Variants in SLC5A1 observed in about 807,000 individuals in gnomAD.
The protein encoded by SLC5A1 is sodium/glucose cotransporter 1.
SLC5A1 carries 42 observed loss-of-function variants against 73.5 expected under a neutral mutation model. The ratio of observed to expected loss-of-function variants is 0.57; its 90% CI spans 0.45 to 0.74. SLC5A1 has a LOEUF of 0.74. Among genes scored for constraint, SLC5A1 ranks in the 30% least tolerant of loss-of-function variants. The pLI, the probability that SLC5A1 is intolerant of heterozygous loss-of-function variation, is 0.00. For missense variants in SLC5A1, 634 were observed against 855.4 expected, an observed-to-expected ratio of 0.74 and a Z score of 3.23; for synonymous variants, 300 against 317.4, an observed-to-expected ratio of 0.95 and a Z score of 0.58.
At chr22:32,098,718 A>G (rs1019489840) in intron 11 of SLC5A1, among the ~76,000 whole-genome samples, 7 of 152,014 alleles carry the variant, frequency 4.6e-5, no homozygotes, top group Admixed American at 2.6e-4. Context: ...TGCTGTGGTT[A>G]TATTTGCTGC....
chr22:32,112,110 C>G lies in SLC5A1; in HGVS notation c.*1897C>G. ...CATCTGAAAACAGAGACATAAATGC[C>G]TGGCTCACAGATTTAAATGTTATAC... On this transcript the variant is annotated 3_prime_UTR_variant, in exon 15 of 15. Transcript: ENST00000266088. The G allele has an allele frequency of 6.6e-6, 1 of 152,136 alleles. No homozygotes were observed. Among genetic ancestry groups the G allele is most frequent in the East Asian group, 1.9e-4 (1 of 5,196 alleles). 9.4% of individuals were successfully genotyped at this position (152,136 alleles called of 1,614,324 possible). A position where few individuals can be genotyped will look rare whatever the true frequency, so the allele number is the denominator to read the frequency against.
intron 10 of SLC5A1, among the ~76,000 whole-genome samples, chr22:32,089,975 T>A (rs1289533282): frequency 6.6e-6 from 1 of 152,096 alleles, no homozygotes; most frequent in Non-Finnish European, 1.5e-5. Flanking sequence ...GTATTCCTAT[T>A]TGGGAAGGTG....
chr22:32,047,110 G>T (rs1273349642), intron 1 of SLC5A1, among the ~76,000 whole-genome samples: 1 of 152,178 alleles, frequency 6.6e-6, no homozygotes, highest in Non-Finnish European at 1.5e-5. Context: ...GAAGTGAGGA[G>T]GCTGTAGGGA....
At chr22:32,102,573 C>T (rs750664221) in intron 13 of SLC5A1, among the ~76,000 whole-genome samples, 11 of 152,090 alleles carry the variant, frequency 7.2e-5, no homozygotes, top group Non-Finnish European at 1.2e-4. Context: ...TTTGGGACCA[C>T]CCTGACAACA....
intron 1 of SLC5A1, among the ~76,000 whole-genome samples, chr22:32,049,162 AATCTATATCTAT>A (rs35964250): frequency 0.11 from 13,707 of 128,756 alleles, 1,458 homozygotes; most frequent in African/African-American, 0.28. Flanking sequence ...TATTATATAT[AATCTATATCTAT>A]ATCTATATCT....
In SLC5A1 at chr22:32,105,421, G is replaced by A. The variant is rs184226540; in HGVS notation, c.1771+530G>A. Among the ~76,000 whole-genome samples, 75 of 151,760 alleles carry A rather than the reference G, an allele frequency of 4.9e-4. 1 individual carries two copies. The highest frequency in any genetic ancestry group is 3.4e-3 in the Middle Eastern group (1 of 294). On this transcript the variant is annotated intron_variant, in intron 14 of 14. Transcript: ENST00000266088. ...CGATTCTCCTGCCTCAGCCTCCTGA[G>A]TAGCTGGGAATACAGGCATGCACCA... is the stretch of plus-strand genomic sequence containing the variant.
intron 1 of SLC5A1, 116 bp from the exon 2 acceptor site, chr22:32,049,827 G>A: frequency 1.2e-6 from 1 of 834,362 alleles, no homozygotes; most frequent in Non-Finnish European, 2.1e-6. Context: ...GAATGTGAAA[G>A]TGTTTCAGAA....
chr22:32,111,929 T>C lies in SLC5A1; in HGVS notation c.*1716T>C, dbSNP rs1478294196. Reference sequence around the variant, plus strand: ...ATTCCCAGAAGTTTTGGAAGAGCCTTGGTAGAAAAGCAGAAGCTGCTTTGA... The same window carrying C: ...ATTCCCAGAAGTTTTGGAAGAGCCTCGGTAGAAAAGCAGAAGCTGCTTTGA... On this transcript the variant is annotated 3_prime_UTR_variant, in exon 15 of 15. Transcript: ENST00000266088. 6.6e-6 allele frequency: 1 copy of C among 152,190 alleles called. No homozygotes were observed. The highest frequency in any genetic ancestry group is 1.5e-5 in the Non-Finnish European group (1 of 68,040). The allele number at this position is 152,190 out of a possible 1,614,324, so 9.4% of individuals were successfully genotyped here.
intron 5 of SLC5A1, among the ~76,000 whole-genome samples, chr22:32,073,092 T>C (rs1358458732): frequency 6.6e-6 from 1 of 152,226 alleles, no homozygotes; most frequent in Non-Finnish European, 1.5e-5. Context: ...TTTGGTGTCA[T>C]TTCTAAGAAT....
In SLC5A1 at chr22:32,091,770, C is replaced by T; in HGVS notation, c.1280+8C>T. 6.2e-7 allele frequency: 1 copy of T among 1,613,436 alleles called. No individual in the cohort carries two copies. Among genetic ancestry groups the T allele is most frequent in the African/African-American group, 1.3e-5 (1 of 75,004 alleles). On this transcript the variant is annotated splice_region_variant and intron_variant, in intron 11 of 14. Transcript: ENST00000266088. ...GCTCATGATTGCCGGAAGGTAAATG[C>T]AGCTTCCCCCAAGCCACAAAAGCTT...
At chr22:32,083,194 G>T (rs202060687) in intron 7 of SLC5A1, 40 bp downstream of exon 7, 6 of 1,551,238 alleles carry the variant, frequency 3.9e-6, no homozygotes, top group Non-Finnish European at 5.3e-6. Flanking sequence ...TGGGAGCAGA[G>T]GTAGAGGGCC....
intron 1 of SLC5A1, among the ~76,000 whole-genome samples, chr22:32,048,150 TAAAA>T (rs35309167): frequency 3.1e-5 from 3 of 96,494 alleles, no homozygotes; most frequent in Non-Finnish European, 4.3e-5. Flanking sequence ...AGACTCCATG[TAAAA>T]AAAAAAAAAA....
At chr22:32,108,209 C>G (rs957280933) in intron 14 of SLC5A1, among the ~76,000 whole-genome samples, 1 of 151,912 alleles carries the variant, frequency 6.6e-6, no homozygotes, top group African/African-American at 2.4e-5. Flanking sequence ...CGGGTTCACG[C>G]CATTCTCCTG....
rs142869508 is a variant in SLC5A1, at chr22:32,088,749, G to C, written c.1129+2422G>C. ...GCATTATCGATCACTCATCCTTCTT[G>C]AGTTGTTCTCTTCTCTTGGATTCCA... On this transcript the variant is annotated intron_variant, in intron 10 of 14. Coordinates refer to ENST00000266088, the MANE Select transcript of SLC5A1 (RefSeq NM_000343.4). Among the ~76,000 whole-genome samples the C allele has an allele frequency of 2.8e-4, 42 of 152,182 alleles. No individual in the cohort carries two copies. The East Asian group carries it at 8.1e-3, about 29-fold the overall frequency.
rs1247713159 is a variant in SLC5A1 at position 32,049,087 on chromosome 22, AATAAAT to A, written c.136-852_136-847del. Among the ~76,000 whole-genome samples the A allele has an allele frequency of 1.5e-3, 190 of 128,180 alleles. 7 individuals carry two copies. Among genetic ancestry groups the A allele is most frequent in the African/African-American group, 6.5e-3 (175 of 27,074 alleles). The allele number at this position is 128,180 out of a possible 152,430, so 84.1% of individuals were successfully genotyped here. ...AGACTTTGTCTAAAATAAATAAATA[AATAAAT>A]ATATATATATATATATATAATCATT... On this transcript the variant is annotated intron_variant, in intron 1 of 14. Transcript: ENST00000266088.
At chr22:32,080,821 C>A (rs2149491403) in intron 5 of SLC5A1, among the ~76,000 whole-genome samples, 1 of 152,230 alleles carries the variant, frequency 6.6e-6, no homozygotes, top group Non-Finnish European at 1.5e-5. Context: ...TGGTGAAATC[C>A]TGTCTCTACT....
chr22:32,071,673 T>A (rs1236092658), intron 5 of SLC5A1, among the ~76,000 whole-genome samples: 1 of 151,976 alleles, frequency 6.6e-6, no homozygotes, highest in African/African-American at 2.4e-5. Context: ...ATGATCAGTT[T>A]TTCTCTCTCT....
At chr22:32,073,231 C>T (rs1040904247) in intron 5 of SLC5A1, among the ~76,000 whole-genome samples, 1 of 152,186 alleles carries the variant, frequency 6.6e-6, no homozygotes, top group African/African-American at 2.4e-5. Context: ...TGGCCATGTG[C>T]CACCATGCCC....
intron 2 of SLC5A1, among the ~76,000 whole-genome samples, chr22:32,054,665 A>ATATTTATT (rs66483574): frequency 1.7e-4 from 26 of 151,696 alleles, no homozygotes; most frequent in South Asian, 4.2e-4. Context: ...TACAGATGGT[A>ATATTTATT]TATTTATTTA....
Sources: gnomAD v4.1 joint callset for allele counts (sites outside exome capture counted in the v4.1 genomes callset) on GRCh38, gnomAD v4.1.1 for gene constraint, MANE v1.5 for transcripts, NCBI Gene and HGNC (gene_info 2026-07-23, HGNC 2026-07-21) for gene names.